IRAG1: variants seen among roughly 807,000 people sequenced by gnomAD.
The protein encoded by IRAG1 is IP3R-associated cGMP kinase substrate.
Under a neutral mutation model 106.2 loss-of-function variants are expected in IRAG1, and 62 were observed. That is an observed-to-expected ratio of 0.58 (90% CI 0.48 to 0.72). IRAG1 has a LOEUF of 0.72. IRAG1 is among the 30% of genes least tolerant of loss of function. IRAG1 has a pLI of 0.00. For missense variants in IRAG1, 1,064 were observed against 1,140.7 expected (o/e 0.93, Z 0.97); for synonymous variants, 462 against 443.9 (o/e 1.04, Z -0.51).
In IRAG1 at chr11:10,659,572, G is replaced by A. The variant is rs78967699; in HGVS notation, c.68-7390C>T. On this transcript the variant is annotated intron_variant, in intron 1 of 20. Transcript: ENST00000423302. The surrounding 1 kb of genome is among the most constrained non-coding windows in gnomAD (Gnocchi z 4.1). ...CCGATTTTCTCCAGCCCTGCTCTCC[G>A]CTCCTGTGGAGCTCGTATAGGCTTT... Among the ~76,000 whole-genome samples the A allele has an allele frequency of 0.014, 2,087 of 152,166 alleles. 51 individuals carry two copies. The highest frequency in any genetic ancestry group is 0.047 in the African/African-American group (1,960 of 41,526).
intron 10 of IRAG1, chr11:10,617,007 C>T: frequency 1.0e-6 from 1 of 982,882 alleles, no homozygotes; most frequent in Non-Finnish European, 1.2e-6. Flanking sequence ...TCCTAAAAGT[C>T]AAAGCTGCTA....
intron 15 of IRAG1, among the ~76,000 whole-genome samples, chr11:10,598,186 G>A (rs752742708): frequency 1.3e-5 from 2 of 152,110 alleles, no homozygotes; most frequent in Non-Finnish European, 2.9e-5. Context: ...CAGACCACAG[G>A]CAAGTGCAAA....
intron 19 of IRAG1, among the ~76,000 whole-genome samples, chr11:10,581,464 G>A (rs1384105212): frequency 6.6e-6 from 1 of 152,032 alleles, no homozygotes; most frequent in Non-Finnish European, 1.5e-5. Flanking sequence ...TAGGAGGAAG[G>A]AGTGACCAAA....
At chr11:10,651,739 T>G (rs1310291510) in intron 2 of IRAG1, among the ~76,000 whole-genome samples, 1 of 152,238 alleles carries the variant, frequency 6.6e-6, no homozygotes, top group Non-Finnish European at 1.5e-5. Context: ...CTTCTCCGGT[T>G]TCAGAGGGAG....
In IRAG1 at chr11:10,629,532, C is replaced by T. The variant is rs1218692118; in HGVS notation, c.574+6G>A. 3 of 1,611,320 alleles carry T rather than the reference C, an allele frequency of 1.9e-6. No individual in the cohort carries two copies. Among genetic ancestry groups the T allele is most frequent in the South Asian group, 1.1e-5 (1 of 90,678 alleles). On this transcript the variant is annotated splice_donor_region_variant and intron_variant, in intron 5 of 20. Transcript: ENST00000423302. ...GGGCAGCCACCTGTACATCCTGCCA[C>T]CCTACCTGATGGGGAGTCTCCGGGG...
chr11:10,626,418 G>C lies in IRAG1; in HGVS notation c.916C>G (p.Leu306Val), dbSNP rs760506803. 6.2e-7 allele frequency: 1 copy of C among 1,613,970 alleles called. No individual in the cohort carries two copies. Among genetic ancestry groups the C allele is most frequent in the Non-Finnish European group, 8.5e-7 (1 of 1,179,886 alleles). The part of the protein sequence containing the change: ...LQYPETTPKG[L>V]APVTNSSGKM... Reference sequence around the variant, plus strand: ...CCACTGCTGTTTGTAACAGGAGCTAGGCCTTTGGGTGTGGTCTCGGGGTAC... The same window carrying C: ...CCACTGCTGTTTGTAACAGGAGCTACGCCTTTGGGTGTGGTCTCGGGGTAC... Residue 306 changes from leucine (L) to valine (V), a missense_variant, in exon 9 of 21, where the codon CTA becomes GTA. Leu to Val is a conservative substitution (Grantham distance 32, BLOSUM62 1). Coordinates refer to ENST00000423302, the MANE Select transcript of IRAG1 (RefSeq NM_130385.4).
intron 1 of IRAG1, among the ~76,000 whole-genome samples, chr11:10,672,580 A>G (rs1860326717): frequency 1.3e-5 from 2 of 152,272 alleles, no homozygotes; most frequent in South Asian, 4.1e-4. Flanking sequence ...CAGATGTTCA[A>G]CGTCATCAAC....
Position 10,580,702 on chromosome 11 carries a change from A to C in IRAG1, c.2361-113T>G. On this transcript the variant is annotated intron_variant, in intron 19 of 20. Transcript: ENST00000423302. ...CACCTCCAATAATTATGTGCTTCCT[A>C]TGGTTCCACAAAACAGGAAAAAGCT... 2.3e-6 allele frequency: 3 copies of C among 1,284,580 alleles called. No individual in the cohort carries two copies. In the South Asian group the frequency reaches 4.4e-5, roughly 19 times the overall value. 79.6% of individuals were successfully genotyped at this position (1,284,580 alleles called of 1,614,324 possible).
rs1856942215 is a variant in IRAG1 at position 10,634,004 on chromosome 11, G to A, written c.293C>T (p.Ser98Leu). Residue 98 changes from serine to leucine, a missense_variant, in exon 3 of 21, where the codon TCA (serine) becomes TTA (leucine). Ser to Leu is a moderately radical substitution (Grantham distance 145). Transcript: ENST00000423302. ...PTIVLTGDAT[S>L]PEGETDKNLA... ...GTTTTTGTCGGTTTCTCCTTCTGGT[G>A]AAGTGGCATCCCCAGTCAGGACAAT... 6.2e-7 allele frequency: 1 copy of A among 1,612,164 alleles called. No homozygotes were observed. Among genetic ancestry groups the A allele is most frequent in the Admixed American group, 1.7e-5 (1 of 59,884 alleles).
chr11:10,679,445 G>A (rs935631415), intron 1 of IRAG1, among the ~76,000 whole-genome samples: 1 of 152,208 alleles, frequency 6.6e-6, no homozygotes, highest in Non-Finnish European at 1.5e-5. Flanking sequence ...ACTGCCCTAT[G>A]AGGTGGATGC....
intron 1 of IRAG1, among the ~76,000 whole-genome samples, chr11:10,682,860 A>T (rs530564425): frequency 7.9e-5 from 12 of 152,070 alleles, no homozygotes; most frequent in African/African-American, 2.7e-4. Flanking sequence ...ATACCCCACA[A>T]TCCTGTCCCC....
At chr11:10,617,088 T>G (rs1191871453) in intron 10 of IRAG1, 1 of 985,396 alleles carries the variant, frequency 1.0e-6, no homozygotes, top group Middle Eastern at 5.2e-4. Context: ...CCTGAGGCTC[T>G]GAGTCTAGAC....
At chr11:10,674,402 G>T (rs564604968) in intron 1 of IRAG1, among the ~76,000 whole-genome samples, 1 of 152,076 alleles carries the variant, frequency 6.6e-6, no homozygotes, top group Non-Finnish European at 1.5e-5. Flanking sequence ...CACAAATGGG[G>T]GTGACACCTT....
intron 10 of IRAG1, among the ~76,000 whole-genome samples, chr11:10,621,350 A>G (rs1855820484): frequency 6.6e-6 from 1 of 152,110 alleles, no homozygotes; most frequent in Non-Finnish European, 1.5e-5. Context: ...GGACACATTC[A>G]CCCAAGAATC....
intron 10 of IRAG1, among the ~76,000 whole-genome samples, chr11:10,616,447 T>C (rs10450609): frequency 0.027 from 4,094 of 152,264 alleles, 203 homozygotes; most frequent in African/African-American, 0.093. Flanking sequence ...CTATGTCTCA[T>C]TTTGTACTTT....
intron 1 of IRAG1, among the ~76,000 whole-genome samples, chr11:10,656,098 C>T (rs774538686): frequency 1.2e-4 from 19 of 152,216 alleles, no homozygotes; most frequent in Non-Finnish European, 2.6e-4. Context: ...TGTGGGCACA[C>T]GGACCTCACA....
intron 1 of IRAG1, among the ~76,000 whole-genome samples, chr11:10,654,270 A>G (rs942741523): frequency 1.3e-5 from 2 of 152,198 alleles, no homozygotes; most frequent in Non-Finnish European, 2.9e-5. Context: ...AGACTCCTGG[A>G]CTGAGCTCCT....
At chr11:10,619,390 T>C (rs1213561165) in intron 10 of IRAG1, among the ~76,000 whole-genome samples, 1 of 152,206 alleles carries the variant, frequency 6.6e-6, no homozygotes, top group African/African-American at 2.4e-5. Flanking sequence ...CAGGGCTGTA[T>C]TTAGTGCCTA....
At chr11:10,594,441 G>T (rs75976406) in intron 15 of IRAG1, among the ~76,000 whole-genome samples, 1 of 151,940 alleles carries the variant, frequency 6.6e-6, no homozygotes, top group Non-Finnish European at 1.5e-5. Flanking sequence ...CCCCAGTCTT[G>T]GACCTCTGAT....
Sources: allele counts gnomAD v4.1 joint callset (sites outside exome capture counted in the v4.1 genomes callset), GRCh38; gene constraint gnomAD v4.1.1; non-coding constraint Gnocchi (gnomAD v3.1); transcripts MANE v1.5; gene names NCBI Gene and HGNC (gene_info 2026-07-23, HGNC 2026-07-21).